CELF4: variants seen among roughly 807,000 people sequenced by gnomAD.
The protein encoded by CELF4 is CUGBP Elav-like family member 4.
A neutral mutation model predicts 59.9 loss-of-function variants in CELF4; 18 were observed. The observed-to-expected ratio is 0.30, with a 90% CI of 0.21 to 0.45. The LOEUF is 0.45. Ranked by LOEUF, CELF4 falls within the 20% of genes least tolerant of loss-of-function variation. The pLI is 1.00. For synonymous variants in CELF4, 261 were observed against 267.1 expected (o/e 0.98, Z 0.22); for missense variants, 456 against 689.0 (o/e 0.66, Z 3.79).
chr18:37,270,981 G>T, intron 7 of CELF4, 64 bp from the exon 8 acceptor site: 1 of 1,401,116 alleles, frequency 7.1e-7, no homozygotes, highest in Non-Finnish European at 9.6e-7. Context: ...GGTGAGGAAG[G>T]CCCACCCATA....
intron 2 of CELF4, among the ~76,000 whole-genome samples, chr18:37,393,460 A>G (rs926490224): frequency 6.6e-6 from 1 of 152,228 alleles, no homozygotes; most frequent in African/African-American, 2.4e-5. Flanking sequence ...CAGGTTTTCA[A>G]GAAGCAGCCC....
intron 2 of CELF4, among the ~76,000 whole-genome samples, chr18:37,466,034 T>C (rs1370597540): frequency 2.0e-5 from 3 of 152,030 alleles, no homozygotes; most frequent in Non-Finnish European, 2.9e-5. Context: ...TTTAACCGGG[T>C]TCCTTCTTCA....
intron 3 of CELF4, among the ~76,000 whole-genome samples, chr18:37,288,042 A>G (rs1324350972): frequency 6.6e-6 from 1 of 152,168 alleles, no homozygotes; most frequent in Non-Finnish European, 1.5e-5. Context: ...AATAACAAGG[A>G]ATGCTCTTCT....
chr18:37,514,899 T>C (rs1245062132), intron 1 of CELF4, among the ~76,000 whole-genome samples: 1 of 152,160 alleles, frequency 6.6e-6, no homozygotes, highest in African/African-American at 2.4e-5. Context: ...AAATAAATTA[T>C]ATAAATTACA....
intron 2 of CELF4, among the ~76,000 whole-genome samples, chr18:37,328,616 G>A (rs2097419071): frequency 6.6e-6 from 1 of 152,166 alleles, no homozygotes; most frequent in Non-Finnish European, 1.5e-5. Context: ...CCCCATTCCT[G>A]TGTGGTTTCT....
At chr18:37,419,181 G>C (rs1235170734) in intron 2 of CELF4, among the ~76,000 whole-genome samples, 1 of 152,220 alleles carries the variant, frequency 6.6e-6, no homozygotes. Context: ...CAATGTTACA[G>C]ACTGATTGTT....
At chr18:37,271,256 T>A (rs2091118393) in intron 7 of CELF4, among the ~76,000 whole-genome samples, 2 of 135,808 alleles carry the variant, frequency 1.5e-5, no homozygotes, top group Admixed American at 1.5e-4. Context: ...CTTCAGTCCT[T>A]TTTTTTTTTT....
intron 3 of CELF4, chr18:37,276,608 T>C (rs1043309209): frequency 6.6e-6 from 1 of 152,092 alleles, no homozygotes; most frequent in Non-Finnish European, 1.5e-5. Flanking sequence ...GAATGAGTCC[T>C]CGGATAATTC....
chr18:37,264,838 G>C, intron 9 of CELF4, 81 bp from the exon 10 acceptor site: 1 of 1,234,142 alleles, frequency 8.1e-7, no homozygotes, highest in Admixed American at 2.0e-5. Context: ...TTTCAGTGCA[G>C]GCAGTAAAAG....
chr18:37,483,025 T>C (rs530028940), intron 2 of CELF4, among the ~76,000 whole-genome samples: 33 of 152,264 alleles, frequency 2.2e-4, no homozygotes, highest in African/African-American at 7.9e-4. Flanking sequence ...CCTAGTGTGG[T>C]CACCCCAGAC....
chr18:37,272,950 G>T (rs2092000610), intron 7 of CELF4, 66 bp downstream of exon 7: 3 of 1,488,574 alleles, frequency 2.0e-6, no homozygotes, highest in Non-Finnish European at 2.8e-6. Flanking sequence ...GCTGAAATTA[G>T]GTCCCAGCCT....
intron 2 of CELF4, among the ~76,000 whole-genome samples, chr18:37,371,922 C>T (rs894299620): frequency 1.3e-5 from 2 of 152,210 alleles, no homozygotes; most frequent in South Asian, 2.1e-4. Flanking sequence ...GTACACTCTT[C>T]TTAATGTGTG....
chr18:37,430,725 G>A (rs2099643889), intron 2 of CELF4, among the ~76,000 whole-genome samples: 1 of 152,208 alleles, frequency 6.6e-6, no homozygotes, highest in Non-Finnish European at 1.5e-5. Context: ...CCTCCTCCTG[G>A]CTCGGGCCCC....
At chr18:37,259,292 G>T in intron 10 of CELF4, 28 bp from the exon 11 acceptor site, 1 of 625,832 alleles carries the variant, frequency 1.6e-6, no homozygotes, top group Non-Finnish European at 2.9e-6. Context: ...GGTGGGCGGG[G>T]GAGGAGGGAT....
intron 1 of CELF4, among the ~76,000 whole-genome samples, chr18:37,549,983 GC>G (rs1406495387): frequency 6.8e-6 from 1 of 147,040 alleles, no homozygotes; most frequent in East Asian, 2.1e-4. Context: ...CGAAACACAA[GC>G]CCCAGATTTG....
At chr18:37,277,582 C>T (rs2093527386) in intron 3 of CELF4, among the ~76,000 whole-genome samples, 2 of 151,992 alleles carry the variant, frequency 1.3e-5, no homozygotes, top group African/African-American at 4.8e-5. Context: ...GAATCAGAGG[C>T]AAAGAGCTGG....
chr18:37,472,650 C>T (rs1379806505), intron 2 of CELF4, among the ~76,000 whole-genome samples: 1 of 152,188 alleles, frequency 6.6e-6, no homozygotes, highest in East Asian at 1.9e-4. Context: ...AGTGATTAGC[C>T]CAAGGTCACA....
chr18:37,553,813 T>A (rs992950771), intron 1 of CELF4, among the ~76,000 whole-genome samples: 7 of 152,050 alleles, frequency 4.6e-5, no homozygotes, highest in Non-Finnish European at 4.4e-5. Flanking sequence ...AGGTTTGAGT[T>A]GGAGCTCCTG....
chr18:37,501,194 T>C (rs892150052), intron 1 of CELF4, among the ~76,000 whole-genome samples: 1 of 152,252 alleles, frequency 6.6e-6, no homozygotes, highest in Non-Finnish European at 1.5e-5. Context: ...GTTTGGAAGC[T>C]GCACGTTAGC....
Sources: allele counts gnomAD v4.1 joint callset (sites outside exome capture counted in the v4.1 genomes callset), GRCh38; gene constraint gnomAD v4.1.1; transcripts MANE v1.5; gene names NCBI Gene and HGNC (gene_info 2026-07-23, HGNC 2026-07-21).